The following LRRTM4 variants were observed in gnomAD, a reference collection of about 807,000 sequenced individuals.
The protein encoded by LRRTM4 is leucine-rich repeat transmembrane neuronal protein 4.
Under a neutral mutation model 47.6 loss-of-function variants are expected in LRRTM4, and 25 were observed. That is an observed-to-expected ratio of 0.53 (90% CI 0.38 to 0.73). The LOEUF (loss-of-function observed/expected upper bound fraction) is 0.73, where lower values mean the gene tolerates loss of function less well. Ranked by LOEUF, LRRTM4 falls within the 30% of genes least tolerant of loss-of-function variation. LRRTM4 has a pLI of 0.00. For synonymous variants in LRRTM4, 311 were observed against 269.5 expected (o/e 1.15, Z -1.51); for missense variants, 638 against 713.4 (o/e 0.89, Z 1.20).
At chr2:76,829,994 T>C (rs193215916) in intron 3 of LRRTM4, among the ~76,000 whole-genome samples, 19 of 152,184 alleles carry the variant, frequency 1.2e-4, no homozygotes, top group Non-Finnish European at 2.1e-4. Flanking sequence ...CAAAGACTAA[T>C]TGCCCATCCA....
At chr2:76,912,686 G>A (rs766351608) in intron 3 of LRRTM4, among the ~76,000 whole-genome samples, 14 of 151,960 alleles carry the variant, frequency 9.2e-5, no homozygotes, top group East Asian at 1.9e-4. Flanking sequence ...GGTGTTGACC[G>A]GTGGGAGGTT....
At chr2:77,092,775 T>C (rs866744691) in intron 3 of LRRTM4, among the ~76,000 whole-genome samples, 1,086 of 130,724 alleles carry the variant, frequency 8.3e-3, no homozygotes, top group Middle Eastern at 0.019. Context: ...CAATACAGTC[T>C]GATAACAGAT....
At chr2:77,351,591 G>T (rs1174163168) in intron 3 of LRRTM4, among the ~76,000 whole-genome samples, 1 of 144,738 alleles carries the variant, frequency 6.9e-6, no homozygotes, top group Admixed American at 6.9e-5. Context: ...AAATTAACAT[G>T]CTTTTGTGAA....
At chr2:77,414,555 C>T (rs1674566442) in intron 3 of LRRTM4, among the ~76,000 whole-genome samples, 1 of 152,158 alleles carries the variant, frequency 6.6e-6, no homozygotes, top group South Asian at 2.1e-4. Context: ...ACAGACACTA[C>T]CAGCAACAGA....
At chr2:76,785,788 C>G (rs1488679157) in intron 3 of LRRTM4, among the ~76,000 whole-genome samples, 1 of 152,048 alleles carries the variant, frequency 6.6e-6, no homozygotes, top group Non-Finnish European at 1.5e-5. Context: ...AAACTTATAG[C>G]ATGGCTTTAA....
At chr2:76,795,580 CACACACACACAT>C (rs1239090851) in intron 3 of LRRTM4, among the ~76,000 whole-genome samples, 6 of 83,682 alleles carry the variant, frequency 7.2e-5, no homozygotes, top group East Asian at 5.5e-4. Context: ...CATATATATG[CACACACACACAT>C]ACACACACAC....
At chr2:76,868,579 T>G (rs1022476359) in intron 3 of LRRTM4, among the ~76,000 whole-genome samples, 2 of 152,166 alleles carry the variant, frequency 1.3e-5, no homozygotes, top group Admixed American at 6.5e-5. Flanking sequence ...TTTAGCAGAA[T>G]AAAAAAGGCT....
At chr2:76,990,056 T>G (rs1676948440) in intron 3 of LRRTM4, 1 of 151,798 alleles carries the variant, frequency 6.6e-6, no homozygotes, top group African/African-American at 2.4e-5. Flanking sequence ...TCAGCATCCA[T>G]AAAAGTTCTT....
intron 3 of LRRTM4, among the ~76,000 whole-genome samples, chr2:77,145,832 C>T (rs1190464734): frequency 6.7e-6 from 1 of 150,114 alleles, no homozygotes; most frequent in East Asian, 1.9e-4. Flanking sequence ...TGTATATATG[C>T]TTAAGTGGCA....
intron 3 of LRRTM4, among the ~76,000 whole-genome samples, chr2:77,070,253 A>G (rs548290131): frequency 6.6e-6 from 1 of 151,962 alleles, no homozygotes; most frequent in African/African-American, 2.4e-5. Flanking sequence ...ATAAAATACA[A>G]TAAATGCTCC....
At position 77,258,992 on chromosome 2, in the gene LRRTM4, T is replaced by A. The variant is rs181221390; in HGVS notation, c.1551+259326A>T. On this transcript the variant is annotated intron_variant, in intron 3 of 3. Coordinates refer to ENST00000409884, the MANE Select transcript of LRRTM4 (RefSeq NM_001134745.3). ...CCTGAAGGAGCAGGGAATATGGATT[T>A]TTACTAGGAAACATCAAAACACATT... 1.4e-3 allele frequency among the ~76,000 whole-genome samples: 208 copies of A among 152,158 alleles called. 1 individual carries two copies. The highest frequency in any genetic ancestry group is 0.01 in the Middle Eastern group (3 of 294).
At chr2:77,481,382 A>G (rs1306923287) in intron 3 of LRRTM4, among the ~76,000 whole-genome samples, 1 of 152,182 alleles carries the variant, frequency 6.6e-6, no homozygotes, top group Non-Finnish European at 1.5e-5. Flanking sequence ...TTAACAATGA[A>G]TAATACCTGG....
intron 3 of LRRTM4, among the ~76,000 whole-genome samples, chr2:76,870,652 T>G (rs1044255282): frequency 1.3e-5 from 2 of 152,138 alleles, no homozygotes; most frequent in African/African-American, 2.4e-5. Flanking sequence ...TCTCTTCCCC[T>G]GCACATGTCA....
At chr2:77,137,235 G>T (rs961054251) in intron 3 of LRRTM4, among the ~76,000 whole-genome samples, 5 of 151,842 alleles carry the variant, frequency 3.3e-5, no homozygotes, top group Non-Finnish European at 7.3e-5. Flanking sequence ...GAAAGCTTGG[G>T]TTATCCACAA....
intron 3 of LRRTM4, among the ~76,000 whole-genome samples, chr2:77,390,955 GA>G (rs1252992436): frequency 6.6e-6 from 1 of 151,472 alleles, no homozygotes; most frequent in Non-Finnish European, 1.5e-5. Context: ...CTGAAAAAAA[GA>G]AAATATATAA....
chr2:77,082,444 T>G (rs965556454), intron 3 of LRRTM4, among the ~76,000 whole-genome samples: 2 of 152,234 alleles, frequency 1.3e-5, no homozygotes, highest in East Asian at 1.9e-4. Context: ...TTAAATAAAT[T>G]TAGAAACAAC....
chr2:77,191,821 T>C (rs900657426), intron 3 of LRRTM4, among the ~76,000 whole-genome samples: 7 of 152,090 alleles, frequency 4.6e-5, no homozygotes, highest in African/African-American at 7.2e-5. Context: ...GCTTGTTACA[T>C]AGATAAACCT....
At chr2:77,015,417 A>G (rs1412391814) in intron 3 of LRRTM4, among the ~76,000 whole-genome samples, 1 of 151,834 alleles carries the variant, frequency 6.6e-6, no homozygotes, top group Non-Finnish European at 1.5e-5. Context: ...GCTCACTGCA[A>G]CCTCCACCTC....
At chr2:76,964,812 A>G (rs1387357219) in intron 3 of LRRTM4, among the ~76,000 whole-genome samples, 1 of 150,880 alleles carries the variant, frequency 6.6e-6, no homozygotes, top group Non-Finnish European at 1.5e-5. Context: ...TAATAAAGAG[A>G]GAGAGATAGA....
Sources: gnomAD v4.1 joint callset for allele counts (sites outside exome capture counted in the v4.1 genomes callset) on GRCh38, gnomAD v4.1.1 for gene constraint, MANE v1.5 for transcripts, NCBI Gene and HGNC (gene_info 2026-07-23, HGNC 2026-07-21) for gene names.